CACNA1E: variants seen among roughly 807,000 people sequenced by gnomAD.
CACNA1E encodes voltage-dependent R-type calcium channel subunit alpha-1E.
In CACNA1E, 40 loss-of-function variants were observed where a neutral mutation model predicts 259.2. The ratio of observed to expected loss-of-function variants is 0.15; its 90% CI spans 0.12 to 0.20. The LOEUF (loss-of-function observed/expected upper bound fraction) is 0.20, where lower values mean the gene tolerates loss of function less well. Ranked by LOEUF, CACNA1E falls within the 10% of genes least tolerant of loss-of-function variation. The pLI, the probability that CACNA1E is intolerant of heterozygous loss-of-function variation, is 1.00. For missense variants in CACNA1E, 1,874 were observed against 3,040.1 expected (o/e 0.62, Z 9.02); for synonymous variants, 1,104 against 1,138.5 (o/e 0.97, Z 0.61).
chr1:181,741,781 G>A (rs990890860), intron 25 of CACNA1E, among the ~76,000 whole-genome samples: 2 of 152,138 alleles, frequency 1.3e-5, no homozygotes, highest in Non-Finnish European at 2.9e-5. Context: ...TTTGGCGCTG[G>A]TGGCAGGGGA....
At position 181,580,617 on chromosome 1, in the gene CACNA1E, C is replaced by G. The variant is rs1651428037; in HGVS notation, c.792C>G (p.Pro264=). ...NNSGILEGFD[P]PHPCGVQGCP... The stretch of plus-strand genomic sequence containing the variant: ...CAGGTATTCTAGAAGGATTTGACCC[C>G]CCTCACCCATGTGGTGTGCAGGGCT... Residue 264 remains proline (P), a synonymous_variant, in exon 6 of 48, where the codon CCC becomes CCG. Coordinates refer to ENST00000367573, the MANE Select transcript of CACNA1E (RefSeq NM_001205293.3). 6.2e-7 allele frequency: 1 copy of G among 1,613,944 alleles called. No individual in the cohort carries two copies. Among genetic ancestry groups the G allele is most frequent in the South Asian group, 1.1e-5 (1 of 91,092 alleles).
At chr1:181,756,561 G>C (rs542830935) in intron 29 of CACNA1E, among the ~76,000 whole-genome samples, 2 of 152,308 alleles carry the variant, frequency 1.3e-5, no homozygotes, top group East Asian at 3.9e-4. Context: ...GCCCGTAGTT[G>C]AAAGCTAATT....
chr1:181,561,537 A>T (rs6696088), intron 3 of CACNA1E, among the ~76,000 whole-genome samples: 106,808 of 152,166 alleles, frequency 0.7, 39,240 homozygotes, highest in East Asian at 0.94. Context: ...ATAAATGGGA[A>T]GAGGAGTCTA....
upstream of CACNA1E, among the ~76,000 whole-genome samples, chr1:181,483,067 TCTCCCCAC>T (rs895581312): frequency 8.5e-5 from 13 of 152,188 alleles, no homozygotes; most frequent in Non-Finnish European, 8.8e-5. Context: ...TCAATATCGC[TCTCCCCAC>T]CTCCCTCCCT....
At chr1:181,718,668 C>CA (rs1654155563) in intron 12 of CACNA1E, among the ~76,000 whole-genome samples, 1 of 107,580 alleles carries the variant, frequency 9.3e-6, no homozygotes, top group East Asian at 3.2e-4. Flanking sequence ...ACACACACAC[C>CA]CTTATATTAG....
chr1:181,763,343 G>A (rs1658751281), intron 33 of CACNA1E, 63 bp from the exon 34 acceptor site: 1 of 1,344,080 alleles, frequency 7.4e-7, no homozygotes, highest in African/African-American at 1.5e-5. Flanking sequence ...ACAAATACTA[G>A]TGCTTAGATT....
chr1:181,575,068 A>T (rs1243830774), intron 3 of CACNA1E, among the ~76,000 whole-genome samples: 1 of 152,042 alleles, frequency 6.6e-6, no homozygotes, highest in East Asian at 1.9e-4. Flanking sequence ...ACTTTCTAAC[A>T]GGTGAACGGG....
chr1:181,719,834 C>A lies in CACNA1E; in HGVS notation c.1722C>A (p.Leu574=). Residue 574 remains leucine (L), a synonymous_variant, in exon 13 of 48, where the codon CTC becomes CTA. Coordinates refer to ENST00000367573, the MANE Select transcript of CACNA1E (RefSeq NM_001205293.3). ...TTGGAATCAGTGTCTTGCGAGCCCT[C>A]CGGCTTCTAAGAATATTTAAAATAA... is the stretch of plus-strand genomic sequence containing the variant. ...TSFGISVLRA[L]RLLRIFKITK... 1 of 1,588,840 alleles carries A rather than the reference C, an allele frequency of 6.3e-7. No individual in the cohort carries two copies. The highest frequency in any genetic ancestry group is 8.6e-7 in the Non-Finnish European group (1 of 1,165,786).
chr1:181,636,989 C>T (rs752795147), intron 6 of CACNA1E, among the ~76,000 whole-genome samples: 1 of 152,208 alleles, frequency 6.6e-6, no homozygotes. Context: ...TATGCACCCC[C>T]ATCCCTGAGA....
At position 181,803,424 on chromosome 1, in the gene CACNA1E, AAG is replaced by A. The variant is rs772952925; in HGVS notation, c.*4592_*4593del. On this transcript the variant is annotated 3_prime_UTR_variant, in exon 48 of 48. Transcript: ENST00000367573. The stretch of plus-strand genomic sequence containing the variant: ...TCAGGGCTTGTGACCTAACCTTTGT[AAG>A]AAGGTGATCAAAGAGATCCTACATT... 2.6e-5 allele frequency: 4 copies of A among 152,234 alleles called. No individual in the cohort carries two copies. The highest frequency in any genetic ancestry group is 5.9e-5 in the Non-Finnish European group (4 of 68,036). The allele number at this position is 152,234 out of a possible 1,614,324, so 9.4% of individuals were successfully genotyped here.
Position 181,737,525 on chromosome 1 carries a change from G to A in CACNA1E, c.3423G>A (p.Pro1141=). Residue 1141 remains proline, a splice_region_variant and synonymous_variant, in exon 23 of 48, where the codon CCG becomes CCA. Coordinates refer to ENST00000367573, the MANE Select transcript of CACNA1E (RefSeq NM_001205293.3). ...SSMFIFSTTN[P]IRRACHYIVN... ...GCTCAGCCATGCCCACTGCCCGCAG[G>A]ATCCGGAGGGCCTGCCACTACATCG... 6.2e-7 allele frequency: 1 copy of A among 1,613,750 alleles called. No homozygotes were observed.
intron 1 of CACNA1E, among the ~76,000 whole-genome samples, chr1:181,378,331 C>T (rs1459295234): frequency 6.6e-6 from 1 of 152,212 alleles, no homozygotes; most frequent in Non-Finnish European, 1.5e-5. Context: ...CAAAAAAGGA[C>T]AGTAATCTTT....
At chr1:181,501,969 G>A (rs1033709628) in intron 1 of CACNA1E, among the ~76,000 whole-genome samples, 1 of 152,192 alleles carries the variant, frequency 6.6e-6, no homozygotes, top group Non-Finnish European at 1.5e-5. Flanking sequence ...ATGAGGTTGG[G>A]TGGTGAGAAA....
Position 181,798,829 on chromosome 1 carries a change from T to C in CACNA1E, c.6937T>C (p.Cys2313Arg), listed in dbSNP as rs2102913828. Reference protein sequence around the residue: ...LLSDTEEDDKC With the variant: ...LLSDTEEDDKR ...AAGTGACACGGAAGAAGATGACAAA[T>C]GCTAGAGGCTGCTCCCCCCTCCGAT... The change falls in exon 48 of 48, where the codon TGC (cysteine) becomes CGC (arginine). Residue 2313 changes from cysteine to arginine, a missense_variant. This residue lies in a region of CACNA1E where 542 missense variants were observed against 587.2 expected (regional missense o/e 0.92). Coordinates refer to ENST00000367573, the MANE Select transcript of CACNA1E (RefSeq NM_001205293.3). This position sits in a 1 kb window ranked among gnomAD's most constrained non-coding sequence, Gnocchi z 4.2. The C allele has an allele frequency of 6.6e-7, 1 of 1,511,120 alleles. No homozygotes were observed. The highest frequency in any genetic ancestry group is 8.8e-7 in the Non-Finnish European group (1 of 1,131,908). The allele number at this position is 1,511,120 out of a possible 1,614,324, so 93.6% of individuals were successfully genotyped here. A position where few individuals can be genotyped will look rare whatever the true frequency, so the allele number is the denominator to read the frequency against.
chr1:181,403,065 G>C (rs1426652316), intron 1 of CACNA1E, among the ~76,000 whole-genome samples: 1 of 152,168 alleles, frequency 6.6e-6, no homozygotes, highest in Admixed American at 6.6e-5. Context: ...GCAGTAGATG[G>C]TGGCATGGCA....
Position 181,483,656 on chromosome 1 carries a change from G to A in CACNA1E, c.-89G>A. The A allele has an allele frequency of 4.5e-6, 4 of 892,934 alleles. No individual in the cohort carries two copies. The South Asian group carries it at 8.2e-5, about 18-fold the overall frequency. The allele number at this position is 892,934 out of a possible 1,614,324, so 55.3% of individuals were successfully genotyped here. On this transcript the variant is annotated 5_prime_UTR_variant, in exon 1 of 48. The change abolishes the stop of an existing upstream ORF in the 5' untranslated region. Transcript: ENST00000367573. The stretch of plus-strand genomic sequence containing the variant: ...CCCGTGCTTGTCTGGATGCGGCTCT[G>A]AGTCTCCGTGTGTCTTTCTGCTTGT...
intron 7 of CACNA1E, among the ~76,000 whole-genome samples, chr1:181,704,011 T>G (rs1652542321): frequency 6.6e-6 from 1 of 152,214 alleles, no homozygotes; most frequent in Admixed American, 6.5e-5. Flanking sequence ...AAGCTCCAGA[T>G]TCTAAGGAAG....
chr1:181,596,574 G>A (rs1292680010), intron 6 of CACNA1E, among the ~76,000 whole-genome samples: 1 of 151,572 alleles, frequency 6.6e-6, no homozygotes, highest in Non-Finnish European at 1.5e-5. Flanking sequence ...GTGTGTGTGT[G>A]TGTGTGTGTG....
chr1:181,437,370 A>G lies in CACNA1E; in HGVS notation c.434+23790A>G, dbSNP rs146359534. On this transcript the variant is annotated intron_variant, in intron 2 of 11. Coordinates refer to the CACNA1E transcript ENST00000524607. The stretch of plus-strand genomic sequence containing the variant: ...CAATAGAATGTCACATATAAGAACA[A>G]AACACAAGAATCCTTGCTACCTCAT... Among the ~76,000 whole-genome samples the G allele has an allele frequency of 3.4e-3, 521 of 152,230 alleles. 3 individuals are homozygous for G. Among genetic ancestry groups the G allele is most frequent in the Non-Finnish European group, 5.1e-3 (344 of 68,002 alleles).
Sources: gnomAD v4.1 joint callset for allele counts (sites outside exome capture counted in the v4.1 genomes callset) on GRCh38, gnomAD v4.1.1 for gene constraint, gnomAD v4.1.1 regional missense constraint, Gnocchi (gnomAD v3.1) non-coding constraint, MANE v1.5 for transcripts, NCBI Gene and HGNC (gene_info 2026-07-23, HGNC 2026-07-21) for gene names.